CCDC68: variants seen among roughly 807,000 people sequenced by gnomAD.
The protein encoded by CCDC68 is coiled-coil domain-containing protein 68.
In CCDC68, 45 loss-of-function variants were observed where a neutral mutation model predicts 47.1. The ratio of observed to expected loss-of-function variants is 0.96; its 90% CI spans 0.75 to 1.23. The LOEUF is 1.23. CCDC68 is among the 50% of genes most tolerant of loss of function. The pLI is 0.00. For synonymous variants in CCDC68, 131 were observed against 129.5 expected (o/e 1.01, Z -0.08); for missense variants, 353 against 373.6 (o/e 0.94, Z 0.45).
At chr18:54,952,627 T>C (rs569248766) in intron 1 of CCDC68, among the ~76,000 whole-genome samples, 27 of 152,306 alleles carry the variant, frequency 1.8e-4, no homozygotes, top group African/African-American at 6.5e-4. Context: ...AATGAAAAGT[T>C]ATATTCCATA....
intron 11 of CCDC68, among the ~76,000 whole-genome samples, chr18:54,907,025 G>C (rs1256656377): frequency 6.6e-6 from 1 of 152,200 alleles, no homozygotes; most frequent in African/African-American, 2.4e-5. Flanking sequence ...TAGAAAATAA[G>C]ATTCTTCCCT....
intron 7 of CCDC68, among the ~76,000 whole-genome samples, 190 bp downstream of exon 7, chr18:54,934,630 G>C (rs1366128312): frequency 5.9e-5 from 9 of 152,100 alleles, no homozygotes; most frequent in Non-Finnish European, 1.2e-4. Context: ...AATCACCACA[G>C]TATAGATCAT....
At chr18:54,905,935 G>A (rs972921546) in intron 11 of CCDC68, among the ~76,000 whole-genome samples, 5 of 152,184 alleles carry the variant, frequency 3.3e-5, no homozygotes, top group African/African-American at 1.2e-4. Context: ...TGCATGCGAT[G>A]GATCTAGGTT....
intron 1 of CCDC68, among the ~76,000 whole-genome samples, chr18:54,955,401 T>G (rs1463440641): frequency 1.3e-5 from 2 of 152,172 alleles, no homozygotes; most frequent in African/African-American, 2.4e-5. Context: ...AATTTGCAAT[T>G]TGAGTAGTAA....
Position 54,956,742 on chromosome 18 carries a change from TGGG to T in CCDC68, c.-103+2591_-103+2593del, listed in dbSNP as rs373611152. Among the ~76,000 whole-genome samples the T allele has an allele frequency of 1.7e-3, 265 of 152,272 alleles. 1 individual carries two copies. The South Asian group carries it at 0.025, about 14-fold the overall frequency. The stretch of plus-strand genomic sequence containing the variant: ...ACAGACAAAATAGATTAGGGGTTGC[TGGG>T]GCTGGGGTAAGAACGGTGAGTGATT... On this transcript the variant is annotated intron_variant, in intron 1 of 11. Coordinates refer to ENST00000591504, the MANE Select transcript of CCDC68 (RefSeq NM_025214.3).
chr18:54,945,983 G>A lies in CCDC68; in HGVS notation c.-102-506C>T, dbSNP rs148311315. On this transcript the variant is annotated intron_variant, in intron 1 of 11. Transcript: ENST00000591504. The stretch of plus-strand genomic sequence containing the variant: ...GCTCAATCCAGTTTCCCTCCTGTTT[G>A]TACAGCCCCAGAGCTAAGAATGGTT... 8.5e-5 allele frequency among the ~76,000 whole-genome samples: 13 copies of A among 152,272 alleles called. No homozygotes were observed. In the East Asian group the frequency reaches 2.1e-3, roughly 25 times the overall value.
In CCDC68 at chr18:54,941,093, G is replaced by T; in HGVS notation, c.118-10C>A. 1 of 1,508,968 alleles carries T rather than the reference G, an allele frequency of 6.6e-7. No individual in the cohort carries two copies. The allele number at this position is 1,508,968 out of a possible 1,614,324, so 93.5% of individuals were successfully genotyped here. On this transcript the variant is annotated splice_polypyrimidine_tract_variant and intron_variant, in intron 3 of 11. Coordinates refer to ENST00000591504, the MANE Select transcript of CCDC68 (RefSeq NM_025214.3). The stretch of plus-strand genomic sequence containing the variant: ...GCAGAGTAGTTCGAATCTAGAGAAG[G>T]AAAACAAAACCATTTGTTTCAAAGG...
chr18:54,940,053 T>G (rs957697306), intron 4 of CCDC68, among the ~76,000 whole-genome samples: 2 of 152,170 alleles, frequency 1.3e-5, no homozygotes, highest in Non-Finnish European at 2.9e-5. Flanking sequence ...TTCTTCCTGA[T>G]ATCTAAACAT....
At position 54,915,757 on chromosome 18, in the gene CCDC68, C is replaced by T. The variant is rs556320143; in HGVS notation, c.873+2156G>A. 2.0e-5 allele frequency among the ~76,000 whole-genome samples: 3 copies of T among 152,022 alleles called. No individual in the cohort carries two copies. In the South Asian group the frequency reaches 6.3e-4, roughly 32 times the overall value. Reference sequence around the variant, plus strand: ...CAGCCTGGCCAACATGGTGAAACCCCGTCTCTACTAAAAATACTAAAATCA... The same window carrying T: ...CAGCCTGGCCAACATGGTGAAACCCTGTCTCTACTAAAAATACTAAAATCA... On this transcript the variant is annotated intron_variant, in intron 10 of 11. Coordinates refer to ENST00000591504, the MANE Select transcript of CCDC68 (RefSeq NM_025214.3).
At position 54,904,236 on chromosome 18, in the gene CCDC68, G is replaced by A; in HGVS notation, c.*122C>T. ...ATGTCATCTTCTTGCAAAGCCATTG[G>A]TATGTAATAAGTTCCATTTAAATAA... On this transcript the variant is annotated 3_prime_UTR_variant, in exon 12 of 12. Coordinates refer to ENST00000591504, the MANE Select transcript of CCDC68 (RefSeq NM_025214.3). The A allele has an allele frequency of 1.4e-6, 1 of 710,574 alleles. No homozygotes were observed. The highest frequency in any genetic ancestry group is 2.5e-6 in the Non-Finnish European group (1 of 404,674). 44.0% of individuals were successfully genotyped at this position (710,574 alleles called of 1,614,324 possible). A position where few individuals can be genotyped will look rare whatever the true frequency, so the allele number is the denominator to read the frequency against.
Position 54,904,295 on chromosome 18 carries a change from T to G in CCDC68, c.*63A>C. 7.7e-7 allele frequency: 1 copy of G among 1,297,008 alleles called. No homozygotes were observed. The highest frequency in any genetic ancestry group is 1.8e-5 in the Admixed American group (1 of 56,432). The allele number at this position is 1,297,008 out of a possible 1,614,324, so 80.3% of individuals were successfully genotyped here. Reference sequence around the variant, plus strand: ...TGCCATTTTAACATGAAACTTGGGCTGTGTTTCAGAGAATAAATAAGACTC... The same window carrying G: ...TGCCATTTTAACATGAAACTTGGGCGGTGTTTCAGAGAATAAATAAGACTC... On this transcript the variant is annotated 3_prime_UTR_variant, in exon 12 of 12. Coordinates refer to ENST00000591504, the MANE Select transcript of CCDC68 (RefSeq NM_025214.3).
intron 11 of CCDC68, 135 bp downstream of exon 11, chr18:54,907,651 T>A: frequency 1.6e-6 from 1 of 610,350 alleles, no homozygotes; most frequent in East Asian, 2.6e-5. Context: ...CAGTTCTGAA[T>A]AGAAACTGGG....
intron 3 of CCDC68, among the ~76,000 whole-genome samples, chr18:54,941,343 C>A (rs1308127859): frequency 2.0e-5 from 3 of 152,084 alleles, no homozygotes; most frequent in African/African-American, 7.2e-5. Context: ...TATTATCCCC[C>A]AAAAAATTAT....
intron 5 of CCDC68, 121 bp from the exon 6 acceptor site, chr18:54,937,079 C>A: frequency 1.2e-6 from 1 of 867,538 alleles, no homozygotes; most frequent in South Asian, 1.7e-5. Context: ...GCCTCATAGA[C>A]AATGGATACG....
chr18:54,902,596 G>C lies in CCDC68; in HGVS notation c.*1762C>G, dbSNP rs1913748156. On this transcript the variant is annotated 3_prime_UTR_variant, in exon 12 of 12. Coordinates refer to ENST00000591504, the MANE Select transcript of CCDC68 (RefSeq NM_025214.3). ...TTGTCTGAACTGAGTTCTCACAATG[G>C]TAGTCCAGCTGGTGAAAGATCAACT... The C allele has an allele frequency of 6.6e-6, 1 of 152,180 alleles. No individual in the cohort carries two copies. The highest frequency in any genetic ancestry group is 1.5e-5 in the Non-Finnish European group (1 of 68,030). The allele number at this position is 152,180 out of a possible 1,614,324, so 9.4% of individuals were successfully genotyped here. A position where few individuals can be genotyped will look rare whatever the true frequency, so the allele number is the denominator to read the frequency against.
At chr18:54,941,135 CT>C in intron 3 of CCDC68, 52 bp from the exon 4 acceptor site, 4 of 1,260,688 alleles carry the variant, frequency 3.2e-6, no homozygotes, top group South Asian at 1.2e-5. Context: ...ATGCCAAACG[CT>C]TTTTTTCTCA....
At chr18:54,958,023 C>T (rs1191079061) in intron 1 of CCDC68, 1 of 152,160 alleles carries the variant, frequency 6.6e-6, no homozygotes, top group Admixed American at 6.5e-5. Flanking sequence ...AATAACATGC[C>T]TATCAGTAAT....
intron 3 of CCDC68, 59 bp from the exon 4 acceptor site, chr18:54,941,142 T>TC: frequency 9.0e-7 from 1 of 1,116,682 alleles, no homozygotes; most frequent in Non-Finnish European, 1.4e-6. Flanking sequence ...ACGCTTTTTT[T>TC]CTCAATACCA....
Position 54,921,064 on chromosome 18 carries a change from G to A in CCDC68, c.684-1688C>T, listed in dbSNP as rs148172980. Among the ~76,000 whole-genome samples, 451 of 152,276 alleles carry A rather than the reference G, an allele frequency of 3.0e-3. 1 individual carries two copies. The highest frequency in any genetic ancestry group is 0.026 in the South Asian group (124 of 4,820). ...TTGCAGCAACGTGGATGCAACTGAA[G>A]GTCATCATCCTAAGTGAATTAAGGC... On this transcript the variant is annotated intron_variant, in intron 8 of 11. Transcript: ENST00000591504.
Sources: gnomAD v4.1 joint callset for allele counts (sites outside exome capture counted in the v4.1 genomes callset) on GRCh38, gnomAD v4.1.1 for gene constraint, MANE v1.5 for transcripts, NCBI Gene and HGNC (gene_info 2026-07-23, HGNC 2026-07-21) for gene names.